The following SYTL4 variants were observed in gnomAD, a reference collection of about 807,000 sequenced individuals.
The protein encoded by SYTL4 is synaptotagmin like 4.
A neutral mutation model predicts 52.7 loss-of-function variants in SYTL4; 16 were observed. The observed-to-expected ratio is 0.30, with a 90% CI of 0.21 to 0.46. SYTL4 has a LOEUF of 0.46. SYTL4 is among the 20% of genes least tolerant of loss of function. SYTL4 has a pLI of 1.00. For synonymous variants in SYTL4, 160 were observed against 186.6 expected (o/e 0.86, Z 1.16); for missense variants, 423 against 519.9 (o/e 0.81, Z 1.81).
At chrX:100,712,863 C>T (rs1015385849) in intron 2 of SYTL4, among the ~76,000 whole-genome samples, 25 of 111,807 alleles carry the variant, frequency 2.2e-4, no homozygotes, top group African/African-American at 8.1e-4. Context: ...AGAAGATATA[C>T]AAATAGCAAA....
intron 2 of SYTL4, among the ~76,000 whole-genome samples, chrX:100,724,246 G>A (rs1342093172): frequency 9.6e-6 from 1 of 103,896 alleles, no homozygotes; most frequent in Non-Finnish European, 2.0e-5. Flanking sequence ...GGAGGGAGGT[G>A]GGGGGGGTCA....
At chrX:100,714,286 G>C (rs140851807) in intron 2 of SYTL4, among the ~76,000 whole-genome samples, 1,396 of 105,349 alleles carry the variant, frequency 0.013, 23 homozygotes, top group South Asian at 0.1. Flanking sequence ...TTTTGAGATG[G>C]AGTCTTGCTG....
At chrX:100,731,059 G>A (rs987619998) in intron 2 of SYTL4, among the ~76,000 whole-genome samples, 2 of 111,512 alleles carry the variant, frequency 1.8e-5, no homozygotes, top group Non-Finnish European at 3.8e-5. Flanking sequence ...GGAATTTTAC[G>A]TCCTCTAATC....
At chrX:100,724,371 A>G (rs1445042307) in intron 2 of SYTL4, among the ~76,000 whole-genome samples, 5 of 104,303 alleles carry the variant, frequency 4.8e-5, no homozygotes, top group Non-Finnish European at 7.9e-5. Flanking sequence ...TGGGAGGTGT[A>G]CCCAACAGCT....
At chrX:100,718,423 A>G (rs1166196734) in intron 2 of SYTL4, among the ~76,000 whole-genome samples, 1 of 111,624 alleles carries the variant, frequency 9.0e-6, no homozygotes, top group Non-Finnish European at 1.9e-5. Flanking sequence ...AAATATCATA[A>G]ATTTTAAAAA....
At chrX:100,726,282 T>C (rs1003601342) in intron 2 of SYTL4, among the ~76,000 whole-genome samples, 5 of 111,311 alleles carry the variant, frequency 4.5e-5, no homozygotes, top group Middle Eastern at 4.6e-3. Flanking sequence ...TTGTGTCTAT[T>C]TATGGTGTAC....
intron 2 of SYTL4, among the ~76,000 whole-genome samples, chrX:100,730,860 G>T (rs12391889): frequency 0.018 from 1,809 of 103,339 alleles, 47 homozygotes; most frequent in African/African-American, 0.061. Flanking sequence ...ATTAAACATT[G>T]TTCCCACAGC....
intron 3 of SYTL4, 42 bp downstream of exon 3, chrX:100,704,769 A>G (rs1481789183): frequency 8.9e-6 from 1 of 112,266 alleles, no homozygotes; most frequent in Non-Finnish European, 1.9e-5. Context: ...AAAGAGCCCA[A>G]GGTAGACAGA....
chrX:100,698,269 AT>A (rs1043481539), intron 8 of SYTL4, among the ~76,000 whole-genome samples: 34 of 109,612 alleles, frequency 3.1e-4, no homozygotes, highest in South Asian at 8.5e-4. Flanking sequence ...CGCCCGGCTA[AT>A]TTTTTTGTAT....
Position 100,675,889 on chromosome X carries a change from T to TAC in SYTL4, c.*137_*138dup, listed in dbSNP as rs10623103. ...GAGATTTGCAGAAAATACATGTTTG[T>TAC]ACACATACACACACACACACACACA... On this transcript the variant is annotated 3_prime_UTR_variant, in exon 20 of 20. Transcript: ENST00000372989. 0.41 allele frequency: 143,201 copies of TAC among 351,281 alleles called. 14,958 individuals carry two copies. Among genetic ancestry groups the TAC allele is most frequent in the Admixed American group, 0.46 (8,221 of 17,992 alleles). 28.9% of individuals were successfully genotyped at this position (351,281 alleles called of 1,213,427 possible).
intron 8 of SYTL4, among the ~76,000 whole-genome samples, chrX:100,691,548 T>C (rs2083597749): frequency 1.8e-5 from 2 of 110,248 alleles, no homozygotes; most frequent in African/African-American, 6.6e-5. Flanking sequence ...AGTATACTTT[T>C]TTTTTTTGAG....
chrX:100,700,454 T>C lies in SYTL4; in HGVS notation c.539+443A>G, dbSNP rs1469197771. The stretch of plus-strand genomic sequence containing the variant: ...TAAATAGGATGATTTTAATTTATTA[T>C]ACTATGATCTAATATTAAAAAGATT... On this transcript the variant is annotated intron_variant, in intron 8 of 19. Transcript: ENST00000372989. 4.5e-5 allele frequency among the ~76,000 whole-genome samples: 5 copies of C among 112,034 alleles called. No individual in the cohort carries two copies. The Admixed American group carries it at 4.8e-4, about 11-fold the overall frequency.
At chrX:100,723,999 C>T (rs1270317966) in intron 2 of SYTL4, among the ~76,000 whole-genome samples, 12 of 88,332 alleles carry the variant, frequency 1.4e-4, no homozygotes, top group South Asian at 5.5e-4. Context: ...CCAGCCGCCC[C>T]GTCCGGGAGG....
At position 100,688,385 on chromosome X, in the gene SYTL4, A is replaced by G; in HGVS notation, c.971T>C (p.Leu324Pro). Reference protein sequence around the residue: ...DHLVKLHRQKLARSSMQSGSS... With the variant: ...DHLVKLHRQKPARSSMQSGSS... Reference sequence around the variant, plus strand: ...GCCACTTTGCATGCTGCTTCTGGCTAGCTTCTGGCGATGTAACTTCACTAG... The same window carrying G: ...GCCACTTTGCATGCTGCTTCTGGCTGGCTTCTGGCGATGTAACTTCACTAG... The change falls in exon 13 of 20, where the codon CTA becomes CCA. Residue 324 changes from leucine to proline, a missense_variant. Leu to Pro is a moderately conservative substitution (Grantham distance 98). Transcript: ENST00000372989. 1 of 1,210,844 alleles carries G rather than the reference A, an allele frequency of 8.3e-7. No homozygotes were observed. Among genetic ancestry groups the G allele is most frequent in the Non-Finnish European group, 1.1e-6 (1 of 894,970 alleles).
At chrX:100,693,127 A>G (rs1321726709) in intron 8 of SYTL4, among the ~76,000 whole-genome samples, 2 of 110,825 alleles carry the variant, frequency 1.8e-5, no homozygotes, top group Admixed American at 9.6e-5. Flanking sequence ...ACAGGTTTTC[A>G]CCATGTTGGC....
chrX:100,694,167 G>A (rs1480802662), intron 8 of SYTL4, among the ~76,000 whole-genome samples: 3 of 112,039 alleles, frequency 2.7e-5, no homozygotes, highest in Non-Finnish European at 5.6e-5. Flanking sequence ...TGATTAAAAT[G>A]ATTTTATGTT....
intron 2 of SYTL4, among the ~76,000 whole-genome samples, chrX:100,710,500 A>G (rs2084047002): frequency 8.9e-6 from 1 of 112,074 alleles, no homozygotes; most frequent in Non-Finnish European, 1.9e-5. Flanking sequence ...TTGGGCTACA[A>G]ATTTTAATTG....
intron 8 of SYTL4, among the ~76,000 whole-genome samples, chrX:100,699,003 C>G (rs1284923573): frequency 8.9e-6 from 1 of 111,808 alleles, no homozygotes; most frequent in Non-Finnish European, 1.9e-5. Context: ...AAAGCGCCCA[C>G]TGATAATGTT....
intron 3 of SYTL4, among the ~76,000 whole-genome samples, chrX:100,704,596 C>A (rs894084143): frequency 2.7e-5 from 3 of 112,034 alleles, no homozygotes; most frequent in African/African-American, 9.7e-5. Flanking sequence ...AGGAAAGAAA[C>A]AGGTTTGGAA....
Sources: gnomAD v4.1 joint callset for allele counts (sites outside exome capture counted in the v4.1 genomes callset) on GRCh38, gnomAD v4.1.1 for gene constraint, MANE v1.5 for transcripts, NCBI Gene and HGNC (gene_info 2026-07-23, HGNC 2026-07-21) for gene names.